The following ACBD5 variants were observed in gnomAD, a reference collection of about 807,000 sequenced individuals.
ACBD5 encodes the protein acyl-CoA binding domain containing 5.
A neutral mutation model predicts 71.8 loss-of-function variants in ACBD5; 40 were observed. The ratio of observed to expected loss-of-function variants is 0.56; its 90% CI spans 0.43 to 0.72. The LOEUF (loss-of-function observed/expected upper bound fraction) is 0.72. Ranked by LOEUF, ACBD5 falls within the 30% of genes least tolerant of loss-of-function variation. ACBD5 has a pLI of 0.00. For missense variants in ACBD5, 559 were observed against 644.5 expected (o/e 0.87, Z 1.44); for synonymous variants, 229 against 218.6 (o/e 1.05, Z -0.42).
chr10:27,183,313 C>T (rs1298024595), intron 13 of ACBD5, among the ~76,000 whole-genome samples: 1 of 151,996 alleles, frequency 6.6e-6, no homozygotes, highest in African/African-American at 2.4e-5. Flanking sequence ...CAGAGACTTG[C>T]TCTGTCACCA....
intron 7 of ACBD5, among the ~76,000 whole-genome samples, chr10:27,217,680 T>C (rs957478723): frequency 6.6e-6 from 1 of 151,878 alleles, no homozygotes. Context: ...CTGGGCATGA[T>C]GGTACATGCC....
At position 27,223,255 on chromosome 10, in the gene ACBD5, A is replaced by T. The variant is rs1162288626; in HGVS notation, c.490+83T>A. On this transcript the variant is annotated intron_variant, in intron 5 of 12. Coordinates refer to ENST00000396271, the MANE Select transcript of ACBD5 (RefSeq NM_145698.5). The stretch of plus-strand genomic sequence containing the variant: ...TCCAGTCGGACTGGCGCGTGAAAGT[A>T]AGAAAAAAAATCAGAGATACAAATA... 8 of 1,055,246 alleles carry T rather than the reference A, an allele frequency of 7.6e-6. No homozygotes were observed. In the South Asian group the frequency reaches 1.0e-4, roughly 13 times the overall value. The allele number at this position is 1,055,246 out of a possible 1,614,324, so 65.4% of individuals were successfully genotyped here. A position where few individuals can be genotyped will look rare whatever the true frequency, so the allele number is the denominator to read the frequency against.
intron 4 of ACBD5, among the ~76,000 whole-genome samples, chr10:27,227,009 A>ATTTTTTTTTTTTTTTTTTTTTTTTT (rs56406048): frequency 2.6e-5 from 2 of 78,392 alleles, no homozygotes; most frequent in Non-Finnish European, 4.5e-5. Context: ...TTTTTTTGCG[A>ATTTTTTTTTTTTTTTTTTTTTTTTT]TTTTTTTTTT....
chr10:27,228,405 G>A (rs1488395037), intron 4 of ACBD5, among the ~76,000 whole-genome samples: 1 of 151,598 alleles, frequency 6.6e-6, no homozygotes, highest in Non-Finnish European at 1.5e-5. Flanking sequence ...TTGAAACCCC[G>A]TCTCTACTAA....
At chr10:27,203,299 A>C (rs1342173882) in intron 12 of ACBD5, among the ~76,000 whole-genome samples, 2 of 152,078 alleles carry the variant, frequency 1.3e-5, no homozygotes, top group Non-Finnish European at 2.9e-5. Context: ...TTTTAGATTT[A>C]AGGATTTTCT....
At chr10:27,189,499 A>G (rs567928351) in intron 13 of ACBD5, among the ~76,000 whole-genome samples, 71 of 152,240 alleles carry the variant, frequency 4.7e-4, no homozygotes, top group African/African-American at 1.6e-3. Flanking sequence ...AAAAACCGTC[A>G]TTCTCAGCAA....
intron 8 of ACBD5, among the ~76,000 whole-genome samples, chr10:27,213,663 A>C (rs2061338118): frequency 1.3e-5 from 2 of 152,114 alleles, no homozygotes; most frequent in South Asian, 4.1e-4. Context: ...AGGCTGAAGC[A>C]GGAGAATCAC....
chr10:27,202,822 A>G (rs1239081110), intron 12 of ACBD5, among the ~76,000 whole-genome samples: 1 of 152,132 alleles, frequency 6.6e-6, no homozygotes, highest in Non-Finnish European at 1.5e-5. Flanking sequence ...GCATTACTAC[A>G]TATCTAACAA....
intron 3 of ACBD5, among the ~76,000 whole-genome samples, 184 bp from the exon 4 acceptor site, chr10:27,232,004 TA>T (rs1800383602): frequency 6.6e-6 from 1 of 152,180 alleles, no homozygotes; most frequent in Non-Finnish European, 1.5e-5. Context: ...GCAAATTAAA[TA>T]GTATTTAAAA....
At chr10:27,188,284 A>G (rs544107146) in intron 13 of ACBD5, among the ~76,000 whole-genome samples, 1 of 152,334 alleles carries the variant, frequency 6.6e-6, no homozygotes, top group Admixed American at 6.5e-5. Context: ...CTTTCCCTTA[A>G]ATTAGGCAAA....
intron 13 of ACBD5, chr10:27,186,602 T>A: frequency 7.7e-7 from 1 of 1,306,686 alleles, no homozygotes; most frequent in Non-Finnish European, 1.1e-6. Flanking sequence ...ATATACTCCT[T>A]AATACTAGAT....
At chr10:27,231,375 G>A (rs2063834156) in intron 4 of ACBD5, among the ~76,000 whole-genome samples, 1 of 152,166 alleles carries the variant, frequency 6.6e-6, no homozygotes, top group Non-Finnish European at 1.5e-5. Context: ...AAATTAGCTG[G>A]GTGTAGTGGT....
intron 13 of ACBD5, among the ~76,000 whole-genome samples, chr10:27,187,313 C>T (rs1193039555): frequency 6.6e-6 from 1 of 151,556 alleles, no homozygotes; most frequent in Non-Finnish European, 1.5e-5. Flanking sequence ...AAAATAAAGG[C>T]AGCTGGAAAA....
intron 3 of ACBD5, among the ~76,000 whole-genome samples, chr10:27,233,926 C>T (rs990820976): frequency 2.6e-5 from 4 of 152,142 alleles, no homozygotes; most frequent in African/African-American, 9.7e-5. Context: ...TGCCTGTAAT[C>T]CTAGCTACTC....
downstream of ACBD5, among the ~76,000 whole-genome samples, chr10:27,194,255 T>TAA (rs58311546): frequency 7.6e-3 from 1,043 of 137,100 alleles, 8 homozygotes; most frequent in Non-Finnish European, 0.011. Flanking sequence ...CCGTCTCAAT[T>TAA]AAAAAAAAAA....
chr10:27,207,342 T>C (rs542473352), intron 10 of ACBD5, among the ~76,000 whole-genome samples: 1 of 151,942 alleles, frequency 6.6e-6, no homozygotes, highest in East Asian at 1.9e-4. Flanking sequence ...TGGAGATACA[T>C]ATAATTTTTA....
chr10:27,238,349 C>T (rs542568764), intron 2 of ACBD5, among the ~76,000 whole-genome samples: 126 of 152,310 alleles, frequency 8.3e-4, no homozygotes, highest in African/African-American at 2.9e-3. Context: ...TACAGGTTTC[C>T]TAATAAGTGG....
intron 9 of ACBD5, among the ~76,000 whole-genome samples, chr10:27,210,186 G>C (rs1426666196): frequency 6.6e-6 from 1 of 152,194 alleles, no homozygotes; most frequent in Non-Finnish European, 1.5e-5. Flanking sequence ...TAATGGGCAA[G>C]TTTTGTTTTG....
At chr10:27,238,242 G>A (rs1303574821) in intron 2 of ACBD5, among the ~76,000 whole-genome samples, 5 of 152,220 alleles carry the variant, frequency 3.3e-5, no homozygotes, top group Admixed American at 6.5e-5. Context: ...CTCCCACAGT[G>A]CTGGGATTAC....
Sources: gnomAD v4.1 joint callset for allele counts (sites outside exome capture counted in the v4.1 genomes callset) on GRCh38, gnomAD v4.1.1 for gene constraint, MANE v1.5 for transcripts, NCBI Gene and HGNC (gene_info 2026-07-23, HGNC 2026-07-21) for gene names.